The following CTNNA3 variants were observed in gnomAD, a reference collection of about 807,000 sequenced individuals.
CTNNA3 encodes the protein catenin alpha-3.
CTNNA3 carries 76 observed loss-of-function variants against 95.7 expected under a neutral mutation model. The observed-to-expected ratio is 0.79, with a 90% CI of 0.66 to 0.96. The LOEUF (loss-of-function observed/expected upper bound fraction) is 0.96. Among genes scored for constraint, CTNNA3 ranks in the 40% least tolerant of loss-of-function variants. The probability of loss-of-function intolerance (pLI) is 0.00; values close to 1 mark genes in which losing one functional copy is unlikely to be tolerated. For synonymous variants in CTNNA3, 431 were observed against 374.4 expected (o/e 1.15, Z -1.74); for missense variants, 1,191 against 1,089.8 (o/e 1.09, Z -1.31).
Position 66,736,476 on chromosome 10 carries a change from A to C in CTNNA3, c.1281+29788T>G, listed in dbSNP as rs186036692. 2.3e-3 allele frequency among the ~76,000 whole-genome samples: 344 copies of C among 151,882 alleles called. 2 individuals are homozygous for C. The highest frequency in any genetic ancestry group is 3.7e-3 in the Non-Finnish European group (249 of 67,966). On this transcript the variant is annotated intron_variant, in intron 9 of 17. Coordinates refer to ENST00000433211, the MANE Select transcript of CTNNA3 (RefSeq NM_013266.4). ...CCAATGTGCTGAGATTACAGGAGTG[A>C]TCTGCCGCACCCAGGCAACTAATAC...
intron 5 of CTNNA3, among the ~76,000 whole-genome samples, chr10:67,389,735 A>G (rs1398474657): frequency 5.3e-5 from 8 of 151,396 alleles, no homozygotes; most frequent in Non-Finnish European, 2.9e-5. Flanking sequence ...CAATCAAACT[A>G]GAACTCAGGA....
intron 11 of CTNNA3, among the ~76,000 whole-genome samples, chr10:66,451,009 A>G (rs2093460155): frequency 6.6e-6 from 1 of 152,150 alleles, no homozygotes; most frequent in Non-Finnish European, 1.5e-5. Flanking sequence ...AATGGAACTT[A>G]ACAATAGTAG....
chr10:66,395,939 C>G (rs938842151), intron 11 of CTNNA3, among the ~76,000 whole-genome samples: 3 of 151,890 alleles, frequency 2.0e-5, no homozygotes, highest in Admixed American at 6.6e-5. Context: ...CCACTCCTAC[C>G]CTTCCCCCTT....
At chr10:66,227,225 T>G (rs2089342322) in intron 13 of CTNNA3, among the ~76,000 whole-genome samples, 1 of 152,136 alleles carries the variant, frequency 6.6e-6, no homozygotes, top group Non-Finnish European at 1.5e-5. Context: ...CTATGTTAAA[T>G]AAGAGTGGTG....
chr10:67,254,528 T>G (rs1866254343), intron 5 of CTNNA3, among the ~76,000 whole-genome samples: 1 of 152,198 alleles, frequency 6.6e-6, no homozygotes, highest in African/African-American at 2.4e-5. Context: ...GATCTAAATC[T>G]ATACTCTGAG....
At chr10:66,985,666 T>G (rs1222773363) in intron 7 of CTNNA3, among the ~76,000 whole-genome samples, 1 of 152,068 alleles carries the variant, frequency 6.6e-6, no homozygotes. Flanking sequence ...GAAATGATCA[T>G]CAAGAACCCA....
At chr10:66,547,343 C>CTTTTTTTTTTTTTT (rs1246714246) in intron 10 of CTNNA3, among the ~76,000 whole-genome samples, 1,082 of 83,158 alleles carry the variant, frequency 0.013, 317 homozygotes, top group East Asian at 0.026. Flanking sequence ...ATTTTTCTTT[C>CTTTTTTTTTTTTTT]TTTCTTTTTT....
chr10:66,173,923 T>C (rs1207584398), intron 13 of CTNNA3, among the ~76,000 whole-genome samples: 1 of 152,134 alleles, frequency 6.6e-6, no homozygotes, highest in Admixed American at 6.6e-5. Context: ...TTTAAGTAAC[T>C]TGCTCAGCTG....
intron 3 of CTNNA3, among the ~76,000 whole-genome samples, chr10:67,587,622 T>G (rs1386753632): frequency 6.6e-6 from 1 of 152,154 alleles, no homozygotes; most frequent in East Asian, 1.9e-4. Context: ...GCTTTTCTCT[T>G]GCTGTTTTAG....
In CTNNA3 at chr10:66,685,229, ACG is replaced by A. The variant is rs1280881611; in HGVS notation, c.1282-63447_1282-63446del. 3.4e-4 allele frequency among the ~76,000 whole-genome samples: 46 copies of A among 136,390 alleles called. No homozygotes were observed. In the East Asian group the frequency reaches 7.9e-3, roughly 24 times the overall value. 89.5% of individuals were successfully genotyped at this position (136,390 alleles called of 152,430 possible). ...TACGTATATATATGTGTATATATAT[ACG>A]TATATATGTGTGTATATATACGTAT... On this transcript the variant is annotated intron_variant, in intron 9 of 17. Coordinates refer to ENST00000433211, the MANE Select transcript of CTNNA3 (RefSeq NM_013266.4).
At chr10:67,496,672 T>G (rs1299141737) in intron 5 of CTNNA3, among the ~76,000 whole-genome samples, 1 of 152,220 alleles carries the variant, frequency 6.6e-6, no homozygotes, top group African/African-American at 2.4e-5. Context: ...TTTAATTGCT[T>G]ATAACATTAA....
At chr10:66,164,797 C>T (rs2085039273) in intron 13 of CTNNA3, among the ~76,000 whole-genome samples, 1 of 152,066 alleles carries the variant, frequency 6.6e-6, no homozygotes, top group Non-Finnish European at 1.5e-5. Flanking sequence ...ATTTGTGATA[C>T]TAAAACATAA....
chr10:67,458,586 A>G (rs1847256773), intron 5 of CTNNA3, among the ~76,000 whole-genome samples: 1 of 152,038 alleles, frequency 6.6e-6, no homozygotes, highest in African/African-American at 2.4e-5. Flanking sequence ...GTCCTCTTCT[A>G]GAAGAGGACA....
rs370731552 is a variant in CTNNA3, at chr10:66,816,278, G to A, written c.1048-40754C>T. ...CAAAGTAAAATGGAGGAATGGAGGA[G>A]CACAAAATATGTAAGACATAGAAAA... On this transcript the variant is annotated intron_variant, in intron 7 of 17. Coordinates refer to ENST00000433211, the MANE Select transcript of CTNNA3 (RefSeq NM_013266.4). 4.6e-5 allele frequency among the ~76,000 whole-genome samples: 7 copies of A among 152,122 alleles called. No homozygotes were observed. The South Asian group carries it at 1.2e-3, about 27-fold the overall frequency.
intron 7 of CTNNA3, among the ~76,000 whole-genome samples, chr10:67,007,402 T>C (rs1197775558): frequency 3.2e-5 from 4 of 124,352 alleles, no homozygotes; most frequent in African/African-American, 4.5e-5. Context: ...CAATCTGACT[T>C]TTTTTTTTTA....
rs566114778 is a variant in CTNNA3, at chr10:65,957,405, G to A, written c.2400+9207C>T. Among the ~76,000 whole-genome samples the A allele has an allele frequency of 3.9e-4, 59 of 152,216 alleles. 1 individual carries two copies. The South Asian group carries it at 0.012, about 32-fold the overall frequency. Reference sequence around the variant, plus strand: ...CCCATTTGCATTTAAGGTTAATATTGTTATGTGTGAATTTGATCCTGTCAT... The same window carrying A: ...CCCATTTGCATTTAAGGTTAATATTATTATGTGTGAATTTGATCCTGTCAT... On this transcript the variant is annotated intron_variant, in intron 17 of 17. Transcript: ENST00000433211.
chr10:67,231,735 C>T (rs1865222815), intron 5 of CTNNA3, among the ~76,000 whole-genome samples: 1 of 151,982 alleles, frequency 6.6e-6, no homozygotes, highest in African/African-American at 2.4e-5. Flanking sequence ...GACATTCAAA[C>T]CAAAGGCAAA....
intron 12 of CTNNA3, among the ~76,000 whole-genome samples, chr10:66,313,338 T>G (rs1252260864): frequency 6.6e-6 from 1 of 152,218 alleles, no homozygotes; most frequent in South Asian, 2.1e-4. Context: ...GAGGATTAAA[T>G]GAGAGTTTCC....
chr10:67,663,750 A>G (rs992502749), intron 1 of CTNNA3, among the ~76,000 whole-genome samples: 5 of 152,242 alleles, frequency 3.3e-5, no homozygotes. Context: ...TCATGTTAAT[A>G]TCAGAAGACA....
Sources: gnomAD v4.1 joint callset for allele counts (sites outside exome capture counted in the v4.1 genomes callset) on GRCh38, gnomAD v4.1.1 for gene constraint, MANE v1.5 for transcripts, NCBI Gene and HGNC (gene_info 2026-07-23, HGNC 2026-07-21) for gene names.